The following CCDC13 variants were observed in gnomAD, a reference collection of about 807,000 sequenced individuals.
CCDC13 encodes coiled-coil domain-containing protein 13.
A neutral mutation model predicts 87.3 loss-of-function variants in CCDC13; 70 were observed. The ratio of observed to expected loss-of-function variants is 0.80; its 90% CI spans 0.66 to 0.98. The LOEUF (loss-of-function observed/expected upper bound fraction) is 0.98, where lower values mean the gene tolerates loss of function less well. CCDC13 is among the 50% of genes least tolerant of loss of function. The probability of loss-of-function intolerance (pLI) is 0.00; values close to 1 mark genes in which losing one functional copy is unlikely to be tolerated. For synonymous variants in CCDC13, 317 were observed against 360.3 expected, an observed-to-expected ratio of 0.88 and a Z score of 1.36; for missense variants, 842 against 892.0, an observed-to-expected ratio of 0.94 and a Z score of 0.71.
intron 12 of CCDC13, among the ~76,000 whole-genome samples, chr3:42,731,458 A>C (rs1698829142): frequency 6.6e-6 from 1 of 151,866 alleles, no homozygotes; most frequent in Admixed American, 6.6e-5. Flanking sequence ...ATATGCTCTA[A>C]GGCCTTGCTA....
intron 9 of CCDC13, 70 bp downstream of exon 9, chr3:42,739,564 G>T: frequency 6.6e-7 from 1 of 1,524,266 alleles, no homozygotes; most frequent in Non-Finnish European, 8.9e-7. Flanking sequence ...GCTCACTCTG[G>T]CCATGGCTGG....
chr3:42,768,914 G>A (rs191347511), intron 1 of CCDC13, among the ~76,000 whole-genome samples: 15 of 152,162 alleles, frequency 9.9e-5, no homozygotes, highest in Admixed American at 4.6e-4. Context: ...GAGGTGGGTG[G>A]ATCACCTGAG....
At position 42,742,954 on chromosome 3, in the gene CCDC13, T is replaced by A. The variant is rs774156673; in HGVS notation, c.929A>T (p.Gln310Leu). 6.2e-7 allele frequency: 1 copy of A among 1,614,070 alleles called. No homozygotes were observed. The highest frequency in any genetic ancestry group is 8.5e-7 in the Non-Finnish European group (1 of 1,180,006). The part of the protein sequence containing the change: ...VYPDPRKLSA[Q>L]EKNLLRIRSL... ...GCGGATCCTCAGCAGGTTTTTCTCC[T>A]GTGCCGACAGCTTCCTTGGGTCTGG... The change falls in exon 8 of 16, where the codon CAG becomes CTG. Residue 310 changes from glutamine (Q) to leucine (L), a missense_variant. Gln to Leu is a moderately radical substitution (Grantham distance 113). Transcript: ENST00000310232.
At chr3:42,713,114 C>T in intron 14 of CCDC13, 48 bp downstream of exon 14, 1 of 1,589,974 alleles carries the variant, frequency 6.3e-7, no homozygotes, top group East Asian at 2.2e-5. Context: ...CTGTTAGCAG[C>T]AACACTGCCT....
At chr3:42,760,016 G>C (rs1420406972) in intron 1 of CCDC13, among the ~76,000 whole-genome samples, 2 of 152,260 alleles carry the variant, frequency 1.3e-5, no homozygotes, top group Admixed American at 1.3e-4. Context: ...TCTCAGCCGG[G>C]CATGGTGGCT....
chr3:42,713,340 G>A (rs1382255857), intron 13 of CCDC13, 24 bp from the exon 14 acceptor site: 1 of 1,612,128 alleles, frequency 6.2e-7, no homozygotes, highest in East Asian at 2.2e-5. Flanking sequence ...AGGAGGGGAT[G>A]CTACATGCCC....
intron 3 of CCDC13, among the ~76,000 whole-genome samples, chr3:42,753,912 TG>T (rs1421563196): frequency 6.6e-6 from 1 of 152,020 alleles, no homozygotes; most frequent in African/African-American, 2.4e-5. Context: ...AGGATGTGAA[TG>T]GGGAAGTTGT....
At chr3:42,751,858 C>T (rs1180583101) in intron 5 of CCDC13, 78 bp downstream of exon 5, 3 of 1,327,978 alleles carry the variant, frequency 2.3e-6, no homozygotes, top group East Asian at 2.3e-5. Context: ...GGTAGAGGTA[C>T]CTACACACCT....
chr3:42,709,993 CT>C (rs1056119079), intron 14 of CCDC13, among the ~76,000 whole-genome samples, 195 bp from the exon 15 acceptor site: 2 of 152,210 alleles, frequency 1.3e-5, no homozygotes, highest in Non-Finnish European at 2.9e-5. Context: ...GCCTCTGCCC[CT>C]GGCTTTGGCC....
In CCDC13 at chr3:42,746,045, C is replaced by T; in HGVS notation, c.721-18G>A. ...GCCAAAACCTGAAATAAGGCAGGGCCTTCAATGTGGCCAAAAGAGAGGGCT... is the reference window on the plus strand; with the variant it reads ...GCCAAAACCTGAAATAAGGCAGGGCTTTCAATGTGGCCAAAAGAGAGGGCT... On this transcript the variant is annotated intron_variant, in intron 6 of 15. Coordinates refer to ENST00000310232, the MANE Select transcript of CCDC13 (RefSeq NM_144719.4). 1 of 1,599,590 alleles carries T rather than the reference C, an allele frequency of 6.3e-7. No individual in the cohort carries two copies. Among genetic ancestry groups the T allele is most frequent in the Non-Finnish European group, 8.6e-7 (1 of 1,166,978 alleles).
chr3:42,732,852 A>G (rs1192280866), intron 12 of CCDC13, 35 bp downstream of exon 12: 1 of 1,531,466 alleles, frequency 6.5e-7, no homozygotes, highest in Admixed American at 2.0e-5. Flanking sequence ...AGAATGGGAA[A>G]AAACTGTGAG....
intron 13 of CCDC13, chr3:42,719,122 T>G (rs1158744246): frequency 1.3e-5 from 2 of 152,282 alleles, no homozygotes; most frequent in Non-Finnish European, 2.9e-5. Flanking sequence ...TGTTAACTGC[T>G]ATTCTCTTTG....
At chr3:42,758,062 T>TACAC (rs3076826) in intron 2 of CCDC13, 63 bp downstream of exon 2, 56,842 of 981,176 alleles carry the variant, frequency 0.058, 212 homozygotes, top group African/African-American at 0.062. Context: ...GCTCCGGTGG[T>TACAC]ACACACACAC....
At chr3:42,757,748 A>G (rs932716328) in intron 2 of CCDC13, among the ~76,000 whole-genome samples, 9 of 152,192 alleles carry the variant, frequency 5.9e-5, no homozygotes, top group Admixed American at 1.3e-4. Flanking sequence ...AGGGAATCTT[A>G]GCAAATTCTA....
At chr3:42,742,819 T>G in intron 8 of CCDC13, 77 bp downstream of exon 8, 1 of 1,557,200 alleles carries the variant, frequency 6.4e-7, no homozygotes, top group Non-Finnish European at 8.8e-7. Flanking sequence ...TGACCACATG[T>G]GCCTCAGAGC....
Position 42,757,192 on chromosome 3 carries a change from G to A in CCDC13, c.244C>T (p.His82Tyr), listed in dbSNP as rs375072396. Residue 82 changes from histidine (H) to tyrosine (Y), a missense_variant, in exon 3 of 16, where the codon CAC becomes TAC. His to Tyr is a moderately conservative substitution (Grantham distance 83). Coordinates refer to ENST00000310232, the MANE Select transcript of CCDC13 (RefSeq NM_144719.4). ...EKRVLEDEIE[H>Y]LRNELRETVD... ...GTTTCCCTGAGCTCATTTCGAAGGTGTTCAATCTCATCTTCAAGCACCCTA... is the reference window on the plus strand; with the variant it reads ...GTTTCCCTGAGCTCATTTCGAAGGTATTCAATCTCATCTTCAAGCACCCTA... The A allele has an allele frequency of 1.2e-5, 20 of 1,614,060 alleles. No individual in the cohort carries two copies. Among genetic ancestry groups the A allele is most frequent in the Middle Eastern group, 1.7e-4 (1 of 6,060 alleles).
Position 42,730,507 on chromosome 3 carries a change from G to T in CCDC13, c.1678C>A (p.Arg560Ser). ...GTGACAAACTCGGTGAGCCGGTCAC[G>T]CTCCACCTCGGCAGCCTGCCAGAGG... is the stretch of plus-strand genomic sequence containing the variant. ...KALWQAAEVE[R>S]DRLTEFVTVL... Residue 560 changes from arginine (R) to serine (S), a missense_variant, in exon 13 of 16, where the codon CGT (arginine) becomes AGT (serine). Arg to Ser is a moderately radical substitution (Grantham distance 110, BLOSUM62 -1). Coordinates refer to ENST00000310232, the MANE Select transcript of CCDC13 (RefSeq NM_144719.4). The T allele has an allele frequency of 6.2e-7, 1 of 1,614,142 alleles. No homozygotes were observed. The highest frequency in any genetic ancestry group is 8.5e-7 in the Non-Finnish European group (1 of 1,179,990).
chr3:42,741,463 C>A (rs1300797670), intron 8 of CCDC13, among the ~76,000 whole-genome samples: 2 of 152,116 alleles, frequency 1.3e-5, no homozygotes, highest in Admixed American at 1.3e-4. Flanking sequence ...GTGGGCTCGG[C>A]GAATGGCTCA....
intron 10 of CCDC13, 119 bp from the exon 11 acceptor site, chr3:42,733,728 A>G: frequency 7.7e-7 from 1 of 1,299,486 alleles, no homozygotes; most frequent in Non-Finnish European, 1.0e-6. Flanking sequence ...GCTTCTTTTC[A>G]GGAGTGAAAA....
Sources: allele counts gnomAD v4.1 joint callset (sites outside exome capture counted in the v4.1 genomes callset), GRCh38; gene constraint gnomAD v4.1.1; transcripts MANE v1.5; gene names NCBI Gene and HGNC (gene_info 2026-07-23, HGNC 2026-07-21).